Variants in NCKAP5 observed in about 807,000 individuals in gnomAD.
NCKAP5 encodes the protein nck-associated protein 5.
A neutral mutation model predicts 167.0 loss-of-function variants in NCKAP5; 92 were observed. The ratio of observed to expected loss-of-function variants is 0.55; its 90% CI spans 0.47 to 0.66. The LOEUF is 0.66. Ranked by LOEUF, NCKAP5 falls within the 30% of genes least tolerant of loss-of-function variation. NCKAP5 has a pLI of 0.00. For missense variants in NCKAP5, 2,378 were observed against 2,315.0 expected (o/e 1.03, Z -0.56); for synonymous variants, 891 against 877.4 (o/e 1.02, Z -0.27).
intron 4 of NCKAP5, among the ~76,000 whole-genome samples, chr2:133,235,956 A>C (rs2150273029): frequency 6.7e-6 from 1 of 149,738 alleles, no homozygotes; most frequent in Non-Finnish European, 1.5e-5. Flanking sequence ...GGTCCCAGTT[A>C]CTCTATAGGC....
chr2:133,441,842 A>G (rs1334509973), intron 3 of NCKAP5, among the ~76,000 whole-genome samples: 2 of 152,146 alleles, frequency 1.3e-5, no homozygotes, highest in Non-Finnish European at 2.9e-5. Context: ...GGGAATTAAT[A>G]CCATATCTAA....
chr2:133,080,872 T>C (rs1318748407), intron 6 of NCKAP5, among the ~76,000 whole-genome samples: 1 of 151,976 alleles, frequency 6.6e-6, no homozygotes, highest in East Asian at 1.9e-4. Context: ...AAAGGTGGGA[T>C]TGGAAAAATG....
chr2:133,166,565 G>A (rs145472917), intron 5 of NCKAP5, among the ~76,000 whole-genome samples: 227 of 152,136 alleles, frequency 1.5e-3, no homozygotes, highest in African/African-American at 5.3e-3. Flanking sequence ...ATTGCCTTAG[G>A]CCAGCTTTTC....
chr2:132,955,622 G>T (rs193149415), intron 8 of NCKAP5, among the ~76,000 whole-genome samples: 95 of 152,202 alleles, frequency 6.2e-4, no homozygotes, highest in African/African-American at 2.2e-3. Flanking sequence ...AAACATACAT[G>T]TGCATGTGTC....
the NCKAP5 span, among the ~76,000 whole-genome samples, chr2:133,577,966 G>A: frequency 2.0e-5 from 3 of 152,240 alleles, no homozygotes; most frequent in East Asian, 3.9e-4. Flanking sequence ...CCCAGCTCCA[G>A]CACTGAAAGT....
chr2:133,399,727 C>T lies in NCKAP5; in HGVS notation c.70-96617G>A, dbSNP rs921678322. Among the ~76,000 whole-genome samples, 3 of 152,068 alleles carry T rather than the reference C, an allele frequency of 2.0e-5. No homozygotes were observed. In the East Asian group the frequency reaches 5.8e-4, roughly 29 times the overall value. ...CACATTTTCAAGTAACTGGTGCGGG[C>T]TCCATAACACAGTACAGACTACATA... On this transcript the variant is annotated intron_variant, in intron 3 of 19. Transcript: ENST00000409261.
chr2:133,004,471 G>C (rs941521861), intron 6 of NCKAP5, among the ~76,000 whole-genome samples: 1 of 152,102 alleles, frequency 6.6e-6, no homozygotes, highest in African/African-American at 2.4e-5. Context: ...ATGTCGACAG[G>C]TTCCATGATG....
rs190951659 is a variant in NCKAP5 at position 133,319,303 on chromosome 2, T to C, written c.70-16193A>G. ...GAGGGCTGGGAAATCAGACCTTGCA[T>C]CAGGTGAAACACTGAAGTTTAATTA... On this transcript the variant is annotated intron_variant, in intron 3 of 19. Coordinates refer to ENST00000409261, the MANE Select transcript of NCKAP5 (RefSeq NM_207363.3). Among the ~76,000 whole-genome samples, 6 of 152,272 alleles carry C rather than the reference T, an allele frequency of 3.9e-5. No individual in the cohort carries two copies. In the East Asian group the frequency reaches 1.2e-3, roughly 29 times the overall value.
At chr2:132,775,332 T>C (rs1423250704) in intron 15 of NCKAP5, among the ~76,000 whole-genome samples, 1 of 152,224 alleles carries the variant, frequency 6.6e-6, no homozygotes, top group Admixed American at 6.5e-5. Flanking sequence ...AGTTTCAATA[T>C]TAGAATGTAA....
At chr2:133,328,444 G>A (rs1385402263) in intron 3 of NCKAP5, among the ~76,000 whole-genome samples, 2 of 152,198 alleles carry the variant, frequency 1.3e-5, no homozygotes, top group African/African-American at 4.8e-5. Flanking sequence ...TTTTAGGGGG[G>A]AAAGCCGAAG....
chr2:132,811,084 C>T (rs1037455514), intron 11 of NCKAP5, among the ~76,000 whole-genome samples: 1 of 152,156 alleles, frequency 6.6e-6, no homozygotes, highest in Admixed American at 6.5e-5. Context: ...CAGACAGGTA[C>T]TGGGGGTTGT....
intron 11 of NCKAP5, among the ~76,000 whole-genome samples, chr2:132,853,380 C>T (rs1689221430): frequency 6.6e-6 from 1 of 152,182 alleles, no homozygotes; most frequent in African/African-American, 2.4e-5. Context: ...TCCTTTCCTG[C>T]TTCCTTCACC....
intron 8 of NCKAP5, among the ~76,000 whole-genome samples, chr2:132,894,714 C>T (rs551235679): frequency 6.6e-6 from 1 of 152,288 alleles, no homozygotes; most frequent in South Asian, 2.1e-4. Context: ...GGCATGAGCT[C>T]TGGCCTTCCC....
chr2:133,217,257 TATC>T, intron 4 of NCKAP5, among the ~76,000 whole-genome samples: 1 of 152,148 alleles, frequency 6.6e-6, no homozygotes, highest in South Asian at 2.1e-4. Flanking sequence ...CGCAGAAAAA[TATC>T]ATAAAAGCAC....
At chr2:133,017,849 G>C (rs954791697) in intron 6 of NCKAP5, among the ~76,000 whole-genome samples, 6 of 151,338 alleles carry the variant, frequency 4.0e-5, no homozygotes, top group African/African-American at 1.5e-4. Flanking sequence ...ATCATACTTT[G>C]CAATGGGCAA....
intron 6 of NCKAP5, among the ~76,000 whole-genome samples, chr2:132,996,189 T>G (rs1013558811): frequency 1.3e-5 from 2 of 152,206 alleles, no homozygotes; most frequent in African/African-American, 4.8e-5. Flanking sequence ...TAGTATGTCA[T>G]GTTGAGAATG....
chr2:132,942,608 A>T (rs961539942), intron 8 of NCKAP5, among the ~76,000 whole-genome samples: 2 of 152,244 alleles, frequency 1.3e-5, no homozygotes, highest in African/African-American at 4.8e-5. Flanking sequence ...GGACACAAAG[A>T]TAATGATGTG....
intron 3 of NCKAP5, among the ~76,000 whole-genome samples, chr2:133,445,868 A>G (rs571119207): frequency 2.0e-4 from 31 of 152,328 alleles, no homozygotes; most frequent in African/African-American, 7.5e-4. Flanking sequence ...GCAACAAAAA[A>G]TTAGCAATAA....
At chr2:133,088,436 G>A (rs2081066903) in intron 6 of NCKAP5, among the ~76,000 whole-genome samples, 1 of 152,002 alleles carries the variant, frequency 6.6e-6, no homozygotes, top group Non-Finnish European at 1.5e-5. Context: ...TGAACCTCAG[G>A]GTCTCTAACA....
Sources: gnomAD v4.1 joint callset for allele counts (sites outside exome capture counted in the v4.1 genomes callset) on GRCh38, gnomAD v4.1.1 for gene constraint, MANE v1.5 for transcripts, NCBI Gene and HGNC (gene_info 2026-07-23, HGNC 2026-07-21) for gene names.